PTBP2: variants seen among roughly 807,000 people sequenced by gnomAD.
PTBP2 encodes the protein polypyrimidine tract binding protein 2, also known as polypyrimidine tract-binding protein 2.
PTBP2 carries 13 observed loss-of-function variants against 61.4 expected under a neutral mutation model. The ratio of observed to expected loss-of-function variants is 0.21; its 90% CI spans 0.14 to 0.34. The LOEUF (loss-of-function observed/expected upper bound fraction) is 0.34. Among genes scored for constraint, PTBP2 ranks in the 10% least tolerant of loss-of-function variants. The pLI, the probability that PTBP2 is intolerant of heterozygous loss-of-function variation, is 1.00. For synonymous variants in PTBP2, 215 were observed against 218.5 expected (o/e 0.98, Z 0.14); for missense variants, 405 against 642.6 (o/e 0.63, Z 4.00).
At chr1:96,749,760 C>T (rs1004103846) in intron 2 of PTBP2, 1 of 437,376 alleles carries the variant, frequency 2.3e-6, no homozygotes, top group Non-Finnish European at 4.7e-6. Flanking sequence ...TTGTAGTGAG[C>T]ACTACTGATG....
chr1:96,741,290 C>G (rs1190754370), intron 2 of PTBP2, among the ~76,000 whole-genome samples: 1 of 151,900 alleles, frequency 6.6e-6, no homozygotes, highest in Non-Finnish European at 1.5e-5. Flanking sequence ...GAGACAGAGT[C>G]TCACTGTGTC....
intron 8 of PTBP2, among the ~76,000 whole-genome samples, chr1:96,794,022 TC>T (rs879736317): frequency 2.0e-5 from 3 of 152,248 alleles, no homozygotes; most frequent in Non-Finnish European, 2.9e-5. Flanking sequence ...GACTATCTGA[TC>T]ATCCATTAAA....
At chr1:96,783,090 C>T (rs1204277987) in intron 7 of PTBP2, among the ~76,000 whole-genome samples, 2 of 151,992 alleles carry the variant, frequency 1.3e-5, no homozygotes, top group Non-Finnish European at 2.9e-5. Flanking sequence ...AACCACAGGA[C>T]TGGTTTGTGT....
chr1:96,741,227 T>A (rs553276585), intron 2 of PTBP2, among the ~76,000 whole-genome samples: 1 of 152,214 alleles, frequency 6.6e-6, no homozygotes, highest in Admixed American at 6.5e-5. Context: ...ATTGTTTTGT[T>A]ATTTTTTTTG....
At chr1:96,769,626 GT>G (rs1159203604) in intron 3 of PTBP2, 76 bp from the exon 4 acceptor site, 5 of 1,123,726 alleles carry the variant, frequency 4.4e-6, no homozygotes, top group East Asian at 2.8e-5. Flanking sequence ...GAAATTTGTA[GT>G]TTTTTTACAC....
At chr1:96,766,098 A>G (rs975931035) in intron 3 of PTBP2, among the ~76,000 whole-genome samples, 4 of 152,160 alleles carry the variant, frequency 2.6e-5, no homozygotes, top group Non-Finnish European at 5.9e-5. Flanking sequence ...TGATGTACTG[A>G]TCAGAGGTGA....
Position 96,770,861 on chromosome 1 carries a change from TGTAG to T in PTBP2, c.432+14_432+17del, listed in dbSNP as rs777557663. ...TAATACATTAAACCAAGTAAGTATG[TGTAG>T]GTACATAAATAAAATGGCCTAGAAC... On this transcript the variant is annotated intron_variant, in intron 5 of 13. Coordinates refer to ENST00000674951, the MANE Select transcript of PTBP2 (RefSeq NM_021190.4). 6.5e-7 allele frequency: 1 copy of T among 1,547,402 alleles called. No individual in the cohort carries two copies. Among genetic ancestry groups the T allele is most frequent in the South Asian group, 1.1e-5 (1 of 89,262 alleles).
At chr1:96,804,693 G>C (rs545637052) in intron 8 of PTBP2, 107 bp from the exon 9 acceptor site, 5 of 1,111,366 alleles carry the variant, frequency 4.5e-6, no homozygotes, top group Non-Finnish European at 6.3e-6. Context: ...ATTTGGAATG[G>C]TCAGCCGTAA....
At chr1:96,820,496 C>T (rs1312709616) in exon 14 of PTBP2, 1 of 151,602 alleles carries the variant, frequency 6.6e-6, no homozygotes, top group African/African-American at 2.4e-5. Context: ...CCAACTGAAC[C>T]AGCTGTGTAA....
intron 8 of PTBP2, among the ~76,000 whole-genome samples, chr1:96,787,630 C>T (rs1463432642): frequency 1.3e-5 from 2 of 151,734 alleles, no homozygotes; most frequent in Non-Finnish European, 2.9e-5. Context: ...GATAATGGAC[C>T]CTGGTTTTGA....
chr1:96,732,068 C>T (rs1570706990), intron 2 of PTBP2, among the ~76,000 whole-genome samples: 1 of 152,228 alleles, frequency 6.6e-6, no homozygotes, highest in South Asian at 2.1e-4. Context: ...AACTGGACAA[C>T]TAATAAATAA....
rs994515462 is a variant in PTBP2 at position 96,800,684 on chromosome 1, T to C, written c.905-4116T>C. Among the ~76,000 whole-genome samples the C allele has an allele frequency of 5.3e-5, 8 of 152,284 alleles. No individual in the cohort carries two copies. In the East Asian group the frequency reaches 1.4e-3, roughly 26 times the overall value. Reference sequence around the variant, plus strand: ...AGAAGATAGAAACAGCAGTGAGCCATGATCATGCCACTGCACTCTAGCCTG... The same window carrying C: ...AGAAGATAGAAACAGCAGTGAGCCACGATCATGCCACTGCACTCTAGCCTG... On this transcript the variant is annotated intron_variant, in intron 8 of 13. Transcript: ENST00000674951.
rs1649580900 is a variant in PTBP2 at position 96,721,787 on chromosome 1, C to G, written c.-78C>G. 6.5e-7 allele frequency: 1 copy of G among 1,542,212 alleles called. No individual in the cohort carries two copies. Among genetic ancestry groups the G allele is most frequent in the Non-Finnish European group, 8.8e-7 (1 of 1,140,686 alleles). On this transcript the variant is annotated 5_prime_UTR_variant, in exon 1 of 14. Coordinates refer to ENST00000674951, the MANE Select transcript of PTBP2 (RefSeq NM_021190.4). ...TCGGCAATTTCCGTCGGGCCCCAGC[C>G]GCCATTTTCTCGCCGCTTGTGTGGC...
At chr1:96,788,152 G>A (rs1038951133) in intron 8 of PTBP2, among the ~76,000 whole-genome samples, 3 of 152,036 alleles carry the variant, frequency 2.0e-5, no homozygotes, top group African/African-American at 7.2e-5. Flanking sequence ...ATGTTTATTT[G>A]ATAGTCACAA....
chr1:96,791,833 T>TTGTTTTTTTTTTTGTTTTTG (rs796100749), intron 8 of PTBP2, among the ~76,000 whole-genome samples: 4 of 131,478 alleles, frequency 3.0e-5, no homozygotes, highest in African/African-American at 8.9e-5. Context: ...GTGCTTTTTT[T>TTGTTTTTTTTTTTGTTTTTG]TTTTTTTTTT....
rs1275425548 is a variant in PTBP2 at position 96,746,897 on chromosome 1, CCCTCCCTCCCTCCCTCCCTT to C, written c.40-4524_40-4505del. Among the ~76,000 whole-genome samples the C allele has an allele frequency of 5.1e-5, 3 of 59,138 alleles. 1 individual carries two copies. The highest frequency in any genetic ancestry group is 3.8e-4 in the Admixed American group (2 of 5,310). The allele number at this position is 59,138 out of a possible 152,430, so 38.8% of individuals were successfully genotyped here. On this transcript the variant is annotated intron_variant, in intron 2 of 13. Coordinates refer to ENST00000674951, the MANE Select transcript of PTBP2 (RefSeq NM_021190.4). ...TCCCTCCCTCCCTCCCTCCCTCCCT[CCCTCCCTCCCTCCCTCCCTT>C]CCTTCCTTCCTTCCTTCCTTCCTTC...
downstream of PTBP2, chr1:96,819,270 A>T (rs562956951): frequency 1.3e-5 from 2 of 152,024 alleles, no homozygotes; most frequent in Non-Finnish European, 2.9e-5. Context: ...CTGAATGATG[A>T]CTGATATTCT....
intron 8 of PTBP2, among the ~76,000 whole-genome samples, chr1:96,795,009 G>A (rs1660229837): frequency 6.6e-6 from 1 of 152,184 alleles, no homozygotes; most frequent in Admixed American, 6.5e-5. Context: ...ATGACTGGAA[G>A]ATGAGCATCA....
At chr1:96,732,255 G>A (rs1209232371) in intron 2 of PTBP2, among the ~76,000 whole-genome samples, 6 of 152,152 alleles carry the variant, frequency 3.9e-5, no homozygotes. Context: ...TGTGTAACTG[G>A]TTGTTCATTA....
Sources: gnomAD v4.1 joint callset for allele counts (sites outside exome capture counted in the v4.1 genomes callset) on GRCh38, gnomAD v4.1.1 for gene constraint, MANE v1.5 for transcripts, NCBI Gene and HGNC (gene_info 2026-07-23, HGNC 2026-07-21) for gene names.